Variants in ATP13A3 observed in about 807,000 individuals in gnomAD.
ATP13A3 encodes the protein ATPase 13A3, also known as polyamine-transporting ATPase 13A3.
A neutral mutation model predicts 158.1 loss-of-function variants in ATP13A3; 59 were observed. That is an observed-to-expected ratio of 0.37 (90% CI 0.30 to 0.46). The LOEUF is 0.46. Among genes scored for constraint, ATP13A3 ranks in the 20% least tolerant of loss-of-function variants. The pLI, the probability that ATP13A3 is intolerant of heterozygous loss-of-function variation, is 1.00. For synonymous variants in ATP13A3, 491 were observed against 504.3 expected (o/e 0.97, Z 0.35); for missense variants, 1,166 against 1,525.2 (o/e 0.76, Z 3.92).
chr3:194,491,004 C>T (rs1210903554), upstream of ATP13A3, among the ~76,000 whole-genome samples: 2 of 152,152 alleles, frequency 1.3e-5, no homozygotes, highest in Non-Finnish European at 1.5e-5. Flanking sequence ...ATTAGCCAGA[C>T]GTGGTGGCGT....
At chr3:194,410,665 G>A (rs570565655) in intron 33 of ATP13A3, among the ~76,000 whole-genome samples, 20 of 152,214 alleles carry the variant, frequency 1.3e-4, no homozygotes, top group Admixed American at 3.9e-4. Flanking sequence ...GAAAAGCAAG[G>A]AGAGTCTTCC....
At position 194,486,204 on chromosome 3, in the gene ATP13A3, G is replaced by A. The variant is rs561733840; in HGVS notation, c.-89+362C>T. Among the ~76,000 whole-genome samples, 12 of 152,208 alleles carry A rather than the reference G, an allele frequency of 7.9e-5. No individual in the cohort carries two copies. The South Asian group carries it at 2.1e-3, about 26-fold the overall frequency. ...GATGGCAAGCAGCTCCATACTCCAC[G>A]GCTGAGGACGAGCTAGGGTCCCGCA... On this transcript the variant is annotated intron_variant, in intron 1 of 33. Coordinates refer to ENST00000645319, the MANE Select transcript of ATP13A3 (RefSeq NM_001367549.1).
chr3:194,433,934 C>A, intron 20 of ATP13A3, 38 bp from the exon 21 acceptor site: 1 of 1,590,724 alleles, frequency 6.3e-7, no homozygotes, highest in South Asian at 1.1e-5. Flanking sequence ...ATGGTTTAGT[C>A]AATTGAGTAA....
chr3:194,455,869 G>C, intron 8 of ATP13A3, 24 bp downstream of exon 8: 1 of 1,378,576 alleles, frequency 7.3e-7, no homozygotes, highest in Non-Finnish European at 1.0e-6. Flanking sequence ...TGACTGTTAA[G>C]TTATATACAA....
rs949074193 is a variant in ATP13A3 at position 194,494,248 on chromosome 3, C to G, written n.548G>C. 8 of 398,504 alleles carry G rather than the reference C, an allele frequency of 2.0e-5. No homozygotes were observed. In the Admixed American group the frequency reaches 3.1e-4, roughly 15 times the overall value. 24.7% of individuals were successfully genotyped at this position (398,504 alleles called of 1,614,324 possible). On this transcript the variant is annotated non_coding_transcript_exon_variant, in exon 2 of 33. Transcript: ENST00000687055. The surrounding 1 kb of genome is among the most constrained non-coding windows in gnomAD (Gnocchi z 4.2). The stretch of plus-strand genomic sequence containing the variant: ...CTCAGCCACATCTGGATCCTCAGCC[C>G]CTCACAGCACACAGCGGTAGTCAGA...
intron 20 of ATP13A3, among the ~76,000 whole-genome samples, chr3:194,435,674 C>T (rs150454260): frequency 2.6e-4 from 39 of 152,096 alleles, no homozygotes; most frequent in Non-Finnish European, 5.1e-4. Context: ...TTTGGGAGGC[C>T]AAGGCGGGCA....
chr3:194,417,961 AAG>A (rs1198942364), intron 31 of ATP13A3, among the ~76,000 whole-genome samples: 1 of 77,692 alleles, frequency 1.3e-5, no homozygotes, highest in Non-Finnish European at 2.4e-5. Flanking sequence ...GGACGGACGG[AAG>A]GAAGGAAGGA....
At chr3:194,433,006 A>G (rs1217853000) in intron 21 of ATP13A3, among the ~76,000 whole-genome samples, 1 of 152,128 alleles carries the variant, frequency 6.6e-6, no homozygotes, top group Non-Finnish European at 1.5e-5. Context: ...ATTTCATGCT[A>G]TCGAATATCT....
At chr3:194,487,189 C>G (rs1386120050), upstream of ATP13A3, among the ~76,000 whole-genome samples, 1 of 152,146 alleles carries the variant, frequency 6.6e-6, no homozygotes, top group Non-Finnish European at 1.5e-5. Flanking sequence ...GGAGGCGAGG[C>G]CGTCCAAAAA....
At chr3:194,469,357 G>T (rs909750615) in intron 2 of ATP13A3, among the ~76,000 whole-genome samples, 18 of 152,040 alleles carry the variant, frequency 1.2e-4, no homozygotes, top group Admixed American at 2.6e-4. Flanking sequence ...ACTAGGGAGA[G>T]GCTGAGGCAG....
Position 194,409,693 on chromosome 3 carries a change from A to ATTTTTTTTTTT in ATP13A3, c.3573+2495_3573+2505dup, listed in dbSNP as rs71179358. Among the ~76,000 whole-genome samples, 270 of 93,972 alleles carry ATTTTTTTTTTT rather than the reference A, an allele frequency of 2.9e-3. 41 individuals carry two copies. Among genetic ancestry groups the ATTTTTTTTTTT allele is most frequent in the African/African-American group, 9.7e-3 (198 of 20,332 alleles). The allele number at this position is 93,972 out of a possible 152,430, so 61.6% of individuals were successfully genotyped here. On this transcript the variant is annotated intron_variant, in intron 33 of 33. Coordinates refer to ENST00000645319, the MANE Select transcript of ATP13A3 (RefSeq NM_001367549.1). ...TGCTTGATAATCACTGACGTAAAGA[A>ATTTTTTTTTTT]TTTTTTTTTTTTTTTTTTTTTTTTT...
At chr3:194,468,343 C>T (rs528322255) in intron 2 of ATP13A3, 1 of 146,290 alleles carries the variant, frequency 6.8e-6, no homozygotes, top group South Asian at 2.1e-4. Context: ...CTTAACCAAA[C>T]CCTTCCTTGA....
intron 30 of ATP13A3, among the ~76,000 whole-genome samples, chr3:194,422,320 A>G (rs747955854): frequency 3.9e-5 from 6 of 152,226 alleles, no homozygotes; most frequent in Non-Finnish European, 8.8e-5. Flanking sequence ...TTCTCCTAGC[A>G]TTATAAGCAA....
intron 7 of ATP13A3, among the ~76,000 whole-genome samples, chr3:194,456,856 C>T (rs1298412268): frequency 6.6e-6 from 1 of 152,122 alleles, no homozygotes; most frequent in Non-Finnish European, 1.5e-5. Context: ...CACCTGGGAA[C>T]TGATGAAATA....
chr3:194,436,680 C>T (rs948067654), intron 20 of ATP13A3, among the ~76,000 whole-genome samples: 2 of 152,206 alleles, frequency 1.3e-5, no homozygotes, highest in Non-Finnish European at 2.9e-5. Context: ...GGCAAAAACC[C>T]CTACTAAAAA....
rs138338356 is a variant in ATP13A3, at chr3:194,408,710, C to G, written c.3574-2594G>C. 9.8e-4 allele frequency among the ~76,000 whole-genome samples: 149 copies of G among 152,232 alleles called. 1 individual carries two copies. The East Asian group carries it at 0.014, about 14-fold the overall frequency. On this transcript the variant is annotated intron_variant, in intron 33 of 33. Coordinates refer to ENST00000645319, the MANE Select transcript of ATP13A3 (RefSeq NM_001367549.1). ...CCCCCTACTGTACCATAATTGGAAA[C>G]ATTTTGTTCCTGTACCCCTACCTCC...
rs28541406 is a variant in ATP13A3, at chr3:194,431,573, A to C, written c.2421+144T>G. 3.4e-4 allele frequency: 289 copies of C among 855,430 alleles called. 3 individuals are homozygous for C. In the African/African-American group the frequency reaches 4.6e-3, roughly 14 times the overall value. 53.0% of individuals were successfully genotyped at this position (855,430 alleles called of 1,614,324 possible). ...TCCTGGGTCTGTCCCAGTCCTAATGAAACATAATCTCTGAAAAAATAGCCC... is the reference window on the plus strand; with the variant it reads ...TCCTGGGTCTGTCCCAGTCCTAATGCAACATAATCTCTGAAAAAATAGCCC... On this transcript the variant is annotated intron_variant, in intron 22 of 33. Transcript: ENST00000645319.
chr3:194,460,850 C>A lies in ATP13A3; in HGVS notation c.52-19G>T. On this transcript the variant is annotated intron_variant, in intron 3 of 33. Transcript: ENST00000645319. ...AAATCTCCTGCATGGACACAGCGAT[C>A]ACATGATTAATTATCAAATGATAAA... 2 of 1,600,694 alleles carry A rather than the reference C, an allele frequency of 1.2e-6. No homozygotes were observed. The highest frequency in any genetic ancestry group is 1.7e-6 in the Non-Finnish European group (2 of 1,173,226).
intron 31 of ATP13A3, among the ~76,000 whole-genome samples, chr3:194,417,768 A>G (rs775145010): frequency 1.3e-5 from 2 of 151,918 alleles, no homozygotes; most frequent in African/African-American, 2.4e-5. Context: ...GTGAAACCCC[A>G]TTACAAACCC....
Sources: allele counts gnomAD v4.1 joint callset (sites outside exome capture counted in the v4.1 genomes callset), GRCh38; gene constraint gnomAD v4.1.1; non-coding constraint Gnocchi (gnomAD v3.1); transcripts MANE v1.5; gene names NCBI Gene and HGNC (gene_info 2026-07-23, HGNC 2026-07-21).